The following VWC2L variants were observed in gnomAD, a reference collection of about 807,000 sequenced individuals.
VWC2L encodes von Willebrand factor C domain containing 2 like, also known as von Willebrand factor C domain-containing protein 2-like.
In VWC2L, 10 loss-of-function variants were observed where a neutral mutation model predicts 21.6. The ratio of observed to expected loss-of-function variants is 0.46; its 90% CI spans 0.29 to 0.78. VWC2L has a LOEUF of 0.78. Among genes scored for constraint, VWC2L ranks in the 30% least tolerant of loss-of-function variants. VWC2L has a pLI of 0.10. For synonymous variants in VWC2L, 96 were observed against 94.3 expected, an observed-to-expected ratio of 1.02 and a Z score of -0.10; for missense variants, 209 against 277.1, an observed-to-expected ratio of 0.75 and a Z score of 1.74.
chr2:214,422,074 G>C (rs942978677), intron 2 of VWC2L, among the ~76,000 whole-genome samples: 1 of 150,828 alleles, frequency 6.6e-6, no homozygotes, highest in South Asian at 2.1e-4. Flanking sequence ...ATTTTTAGTA[G>C]AGACGGGGTT....
At chr2:214,502,056 A>C (rs1197842293) in intron 3 of VWC2L, among the ~76,000 whole-genome samples, 4 of 152,218 alleles carry the variant, frequency 2.6e-5, no homozygotes, top group Non-Finnish European at 5.9e-5. Flanking sequence ...ATTGTTTTCT[A>C]TTACCATGTT....
intron 3 of VWC2L, among the ~76,000 whole-genome samples, chr2:214,463,099 G>T (rs903062987): frequency 2.9e-4 from 44 of 151,928 alleles, no homozygotes; most frequent in African/African-American, 1.1e-3. Context: ...TGCCATTCTC[G>T]GATATAGTAC....
intron 3 of VWC2L, among the ~76,000 whole-genome samples, chr2:214,549,885 T>C (rs1474426384): frequency 6.6e-6 from 1 of 152,142 alleles, no homozygotes; most frequent in Non-Finnish European, 1.5e-5. Flanking sequence ...AGCTTTCTTG[T>C]TCCTAAACAT....
chr2:214,457,519 T>C (rs541570382), intron 3 of VWC2L, among the ~76,000 whole-genome samples: 1 of 152,188 alleles, frequency 6.6e-6, no homozygotes, highest in Admixed American at 6.5e-5. Context: ...TGGATTCAAG[T>C]ACTGCGTTGA....
intron 3 of VWC2L, among the ~76,000 whole-genome samples, chr2:214,454,269 GTTT>G (rs905192601): frequency 7.4e-4 from 113 of 151,950 alleles, no homozygotes; most frequent in Admixed American, 1.4e-3. Flanking sequence ...ATGCATTTTA[GTTT>G]TTTATCTTAT....
chr2:214,459,390 T>C (rs1703105364), intron 3 of VWC2L, among the ~76,000 whole-genome samples: 1 of 152,246 alleles, frequency 6.6e-6, no homozygotes, highest in African/African-American at 2.4e-5. Flanking sequence ...AAATTTAATC[T>C]ATTTACATTC....
intron 3 of VWC2L, among the ~76,000 whole-genome samples, chr2:214,454,934 A>T (rs1442932670): frequency 6.6e-6 from 1 of 152,088 alleles, no homozygotes; most frequent in Non-Finnish European, 1.5e-5. Context: ...GATAAACTGC[A>T]CTTGTTCAAA....
intron 3 of VWC2L, among the ~76,000 whole-genome samples, chr2:214,448,378 A>G (rs1574569742): frequency 6.6e-6 from 1 of 152,168 alleles, no homozygotes; most frequent in Non-Finnish European, 1.5e-5. Flanking sequence ...TATGTTTTCT[A>G]TTTCATACAG....
intron 3 of VWC2L, among the ~76,000 whole-genome samples, chr2:214,561,800 A>G (rs1689977704): frequency 7.3e-6 from 1 of 137,618 alleles, no homozygotes; most frequent in African/African-American, 3.1e-5. Context: ...ATATATATAT[A>G]TATATATATA....
chr2:214,568,354 T>C (rs892917615), intron 3 of VWC2L, among the ~76,000 whole-genome samples: 3 of 152,200 alleles, frequency 2.0e-5, no homozygotes, highest in African/African-American at 7.2e-5. Context: ...AAAACTCTTA[T>C]TCATTGCCAC....
chr2:214,480,597 G>A (rs1322482730), intron 3 of VWC2L, among the ~76,000 whole-genome samples: 2 of 151,942 alleles, frequency 1.3e-5, no homozygotes, highest in African/African-American at 4.8e-5. Context: ...TTGGTGTCAG[G>A]GACCCAGGCT....
At chr2:214,459,941 CTT>C (rs1703114951) in intron 3 of VWC2L, among the ~76,000 whole-genome samples, 1 of 104,636 alleles carries the variant, frequency 9.6e-6, no homozygotes, top group Non-Finnish European at 1.8e-5. Context: ...GAGTTTCACT[CTT>C]GTCACCCAGG....
intron 3 of VWC2L, among the ~76,000 whole-genome samples, chr2:214,474,484 G>GA (rs1301847885): frequency 1.3e-5 from 2 of 152,090 alleles, no homozygotes; most frequent in African/African-American, 2.4e-5. Flanking sequence ...ATTACAGAAA[G>GA]AAAAAAATGC....
Position 214,577,928 on chromosome 2 carries a change from G to T in VWC2L, c.*2108G>T, listed in dbSNP as rs1359519760. On this transcript the variant is annotated 3_prime_UTR_variant, in exon 4 of 4. Transcript: ENST00000312504. ...CCTTAGAACACCAATTTGCAGCAAG[G>T]TTGGTGCCTTTCATTTGCCACCATG... 4 of 152,132 alleles carry T rather than the reference G, an allele frequency of 2.6e-5. No homozygotes were observed. Among genetic ancestry groups the T allele is most frequent in the African/African-American group, 9.7e-5 (4 of 41,426 alleles). The allele number at this position is 152,132 out of a possible 1,614,324, so 9.4% of individuals were successfully genotyped here. A position where few individuals can be genotyped will look rare whatever the true frequency, so the allele number is the denominator to read the frequency against.
chr2:214,517,019 C>T (rs1019592394), intron 3 of VWC2L, among the ~76,000 whole-genome samples: 18 of 152,234 alleles, frequency 1.2e-4, no homozygotes, highest in African/African-American at 4.1e-4. Context: ...TTTGCTCTCT[C>T]CCCTGCATCA....
chr2:214,564,609 G>A (rs749279197), intron 3 of VWC2L, among the ~76,000 whole-genome samples: 1 of 152,128 alleles, frequency 6.6e-6, no homozygotes, highest in Non-Finnish European at 1.5e-5. Context: ...AGTATTGAAG[G>A]CTTTGTTTGG....
At chr2:214,507,178 T>TA (rs1180021434) in intron 3 of VWC2L, among the ~76,000 whole-genome samples, 3 of 152,186 alleles carry the variant, frequency 2.0e-5, no homozygotes, top group Admixed American at 6.5e-5. Flanking sequence ...TTAACATGTG[T>TA]ATCTAAAGAC....
At chr2:214,568,101 T>C (rs1690096611) in intron 3 of VWC2L, among the ~76,000 whole-genome samples, 1 of 152,216 alleles carries the variant, frequency 6.6e-6, no homozygotes, top group Non-Finnish European at 1.5e-5. Context: ...TTTAGTTCTC[T>C]GCCCTTTAAC....
chr2:214,575,034 T>TAAA (rs3046806), intron 3 of VWC2L, among the ~76,000 whole-genome samples: 38 of 118,432 alleles, frequency 3.2e-4, no homozygotes, highest in African/African-American at 9.3e-4. Flanking sequence ...GGTCATTCTT[T>TAAA]AAAAAAAAAA....
Sources: gnomAD v4.1 joint callset for allele counts (sites outside exome capture counted in the v4.1 genomes callset) on GRCh38, gnomAD v4.1.1 for gene constraint, MANE v1.5 for transcripts, NCBI Gene and HGNC (gene_info 2026-07-23, HGNC 2026-07-21) for gene names.